Variants in FRMD5 observed in about 807,000 individuals in gnomAD.
FRMD5 encodes FERM domain containing 5.
A neutral mutation model predicts 69.0 loss-of-function variants in FRMD5; 20 were observed. That is an observed-to-expected ratio of 0.29 (90% CI 0.20 to 0.42). FRMD5 has a LOEUF of 0.42. Among genes scored for constraint, FRMD5 ranks in the 10% least tolerant of loss-of-function variants. The pLI is 1.00. For synonymous variants in FRMD5, 271 were observed against 260.1 expected (o/e 1.04, Z -0.40); for missense variants, 595 against 708.6 (o/e 0.84, Z 1.82).
intron 1 of FRMD5, among the ~76,000 whole-genome samples, chr15:44,093,574 C>CT (rs1028573519): frequency 0.016 from 2,329 of 141,812 alleles, 36 homozygotes; most frequent in African/African-American, 0.041. Flanking sequence ...ACCATGCTAT[C>CT]TTTTTTTTTT....
chr15:43,931,406 C>T lies in FRMD5; in HGVS notation c.103-7097G>A, dbSNP rs139501557. Among the ~76,000 whole-genome samples the T allele has an allele frequency of 2.6e-3, 402 of 152,182 alleles. 2 individuals carry two copies. Among genetic ancestry groups the T allele is most frequent in the African/African-American group, 8.7e-3 (360 of 41,502 alleles). ...CTCTCTCTCTCTTCTCTTTCTCTCT[C>T]ACACTTATACCCCCCGATCCCCACT... On this transcript the variant is annotated intron_variant, in intron 1 of 13. Transcript: ENST00000417257.
chr15:43,936,884 A>G (rs1282704188), intron 1 of FRMD5, among the ~76,000 whole-genome samples: 1 of 152,080 alleles, frequency 6.6e-6, no homozygotes, highest in African/African-American at 2.4e-5. Flanking sequence ...AAAGGCAAGT[A>G]AAATGGCTTT....
intron 1 of FRMD5, among the ~76,000 whole-genome samples, chr15:44,088,144 A>AT (rs1232214770): frequency 6.6e-6 from 1 of 152,172 alleles, no homozygotes; most frequent in Non-Finnish European, 1.5e-5. Context: ...AATTTTAAAC[A>AT]TTTTTATTGA....
Position 43,903,306 on chromosome 15 carries a change from G to C in FRMD5, c.552-1044C>G, listed in dbSNP as rs191134457. ...AGGACTGCACGTTGCTCGTTTCTAA[G>C]CTTATCATTTGCCTCAGGTGATATG... On this transcript the variant is annotated intron_variant, in intron 6 of 13. Transcript: ENST00000417257. 2.8e-4 allele frequency among the ~76,000 whole-genome samples: 42 copies of C among 152,350 alleles called. No individual in the cohort carries two copies. The East Asian group carries it at 4.6e-3, about 17-fold the overall frequency.
At chr15:43,888,128 G>A (rs1030089620) in intron 10 of FRMD5, 47 bp downstream of exon 10, 6 of 1,451,896 alleles carry the variant, frequency 4.1e-6, no homozygotes, top group Non-Finnish European at 5.8e-6. Flanking sequence ...GACTCTCTCT[G>A]ACTCTGGCTC....
intron 1 of FRMD5, among the ~76,000 whole-genome samples, chr15:43,947,237 T>G (rs2089961468): frequency 6.6e-6 from 1 of 152,220 alleles, no homozygotes; most frequent in Admixed American, 6.5e-5. Flanking sequence ...CTGCTAGATA[T>G]TTACCTTGAG....
At position 43,874,226 on chromosome 15, in the gene FRMD5, C is replaced by T. The variant is rs2088254845; in HGVS notation, c.1372G>A (p.Glu458Lys). The T allele has an allele frequency of 6.2e-7, 1 of 1,614,270 alleles. No homozygotes were observed. Among genetic ancestry groups the T allele is most frequent in the Non-Finnish European group, 8.5e-7 (1 of 1,180,044 alleles). Reference protein sequence around the residue: ...QINGATCSIEEEKESEASTPT... With the variant: ...QINGATCSIEKEKESEASTPT... ...GTGCTGGCTTCAGATTCCTTCTCCT[C>T]CTCAATGCTGCAGGTGGCTCCATTG... Residue 458 changes from glutamate to lysine, a missense_variant, in exon 14 of 14, where the codon GAG becomes AAG. Coordinates refer to ENST00000417257, the MANE Select transcript of FRMD5 (RefSeq NM_032892.5).
At chr15:43,880,611 A>G (rs1338345829) in intron 13 of FRMD5, among the ~76,000 whole-genome samples, 1 of 152,172 alleles carries the variant, frequency 6.6e-6, no homozygotes, top group African/African-American at 2.4e-5. Flanking sequence ...TGAGCCTGTG[A>G]GGTTCATTTG....
At chr15:43,957,281 T>C (rs562599223) in intron 1 of FRMD5, among the ~76,000 whole-genome samples, 3 of 152,120 alleles carry the variant, frequency 2.0e-5, no homozygotes, top group Non-Finnish European at 4.4e-5. Context: ...CTGCAACCTC[T>C]ACCTCCCAAG....
intron 5 of FRMD5, among the ~76,000 whole-genome samples, chr15:43,906,837 G>A (rs993658114): frequency 2.0e-5 from 3 of 151,126 alleles, no homozygotes; most frequent in East Asian, 1.9e-4. Flanking sequence ...TCCTGACCTC[G>A]TGATCCGCCC....
At chr15:43,971,358 A>C (rs888166305) in intron 1 of FRMD5, among the ~76,000 whole-genome samples, 1 of 152,124 alleles carries the variant, frequency 6.6e-6, no homozygotes, top group Non-Finnish European at 1.5e-5. Flanking sequence ...ACTATCCATA[A>C]ACCTGTCCCT....
intron 1 of FRMD5, among the ~76,000 whole-genome samples, chr15:44,127,595 G>T (rs953879610): frequency 6.6e-6 from 1 of 151,968 alleles, no homozygotes; most frequent in South Asian, 2.1e-4. Context: ...TAACCAGGCC[G>T]GGTGCAATGG....
At chr15:43,970,671 G>T (rs1364400853) in intron 1 of FRMD5, among the ~76,000 whole-genome samples, 1 of 152,160 alleles carries the variant, frequency 6.6e-6, no homozygotes. Flanking sequence ...TGGCCAGGCT[G>T]ATCTCAAAGT....
chr15:43,986,030 C>G (rs532892987), intron 1 of FRMD5, among the ~76,000 whole-genome samples: 1 of 152,304 alleles, frequency 6.6e-6, no homozygotes, highest in South Asian at 2.1e-4. Flanking sequence ...ATGTCAGTCC[C>G]CAAACAACAG....
chr15:43,915,007 G>A (rs781693892), intron 4 of FRMD5, among the ~76,000 whole-genome samples: 5 of 152,146 alleles, frequency 3.3e-5, no homozygotes, highest in Admixed American at 2.0e-4. Context: ...GATTACAGGC[G>A]TGAGCCACTG....
chr15:43,936,066 T>C (rs963490468), intron 1 of FRMD5, among the ~76,000 whole-genome samples: 1 of 152,214 alleles, frequency 6.6e-6, no homozygotes, highest in African/African-American at 2.4e-5. Flanking sequence ...AATGCTAACC[T>C]TCCCATGTTT....
chr15:44,094,446 A>T (rs1380447148), intron 1 of FRMD5, among the ~76,000 whole-genome samples: 1 of 152,136 alleles, frequency 6.6e-6, no homozygotes, highest in Non-Finnish European at 1.5e-5. Context: ...CTTCTCAGAC[A>T]CCTACAACCC....
At chr15:44,010,944 T>G (rs887990956) in intron 1 of FRMD5, among the ~76,000 whole-genome samples, 3 of 151,844 alleles carry the variant, frequency 2.0e-5, no homozygotes, top group African/African-American at 7.3e-5. Context: ...ATGAGAGAAC[T>G]AGGGTGAACA....
chr15:43,981,853 G>C (rs191401675), intron 1 of FRMD5, among the ~76,000 whole-genome samples: 1 of 152,286 alleles, frequency 6.6e-6, no homozygotes, highest in East Asian at 1.9e-4. Flanking sequence ...AACTCTTGCA[G>C]TTCTCCAAGA....
Sources: allele counts gnomAD v4.1 joint callset (sites outside exome capture counted in the v4.1 genomes callset), GRCh38; gene constraint gnomAD v4.1.1; transcripts MANE v1.5; gene names NCBI Gene and HGNC (gene_info 2026-07-23, HGNC 2026-07-21).